Variants in TMEM255A observed in about 807,000 individuals in gnomAD.
The protein encoded by TMEM255A is family with sequence similarity 70, member A.
In TMEM255A, 14 loss-of-function variants were observed where a neutral mutation model predicts 23.5. The ratio of observed to expected loss-of-function variants is 0.60; its 90% CI spans 0.39 to 0.93. TMEM255A has a LOEUF of 0.93. Ranked by LOEUF, TMEM255A falls within the 40% of genes least tolerant of loss-of-function variation. The pLI, the probability that TMEM255A is intolerant of heterozygous loss-of-function variation, is 0.00. For missense variants in TMEM255A, 233 were observed against 261.7 expected, an observed-to-expected ratio of 0.89 and a Z score of 0.76; for synonymous variants, 104 against 100.3, an observed-to-expected ratio of 1.04 and a Z score of -0.22.
At chrX:120,265,276 A>G (rs1302356419) in intron 8 of TMEM255A, among the ~76,000 whole-genome samples, 2 of 112,357 alleles carry the variant, frequency 1.8e-5, no homozygotes, top group African/African-American at 6.5e-5. Flanking sequence ...AAATGAAACC[A>G]TTTAAGTTCT....
chrX:120,279,140 T>TA (rs1294661590), intron 6 of TMEM255A, among the ~76,000 whole-genome samples: 1 of 111,839 alleles, frequency 8.9e-6, no homozygotes, highest in African/African-American at 3.3e-5. Flanking sequence ...TGGAATTTTT[T>TA]AAAAAAATAT....
intron 7 of TMEM255A, among the ~76,000 whole-genome samples, chrX:120,275,390 G>A (rs782758235): frequency 8.9e-6 from 1 of 112,194 alleles, no homozygotes; most frequent in African/African-American, 3.2e-5. Flanking sequence ...GCCCAGTACT[G>A]CTGGAGACTT....
downstream of TMEM255A, chrX:120,254,105 A>G (rs2057619315): frequency 1.7e-6 from 2 of 1,209,285 alleles, no homozygotes; most frequent in Non-Finnish European, 2.2e-6. Context: ...CAGATGTTGC[A>G]CCTAGTGCTA....
At chrX:120,271,739 T>C (rs1569333450) in intron 7 of TMEM255A, among the ~76,000 whole-genome samples, 1 of 110,037 alleles carries the variant, frequency 9.1e-6, no homozygotes. Flanking sequence ...TTCAAAGCCC[T>C]AAATGTAACA....
intron 6 of TMEM255A, among the ~76,000 whole-genome samples, chrX:120,280,320 C>T (rs1052746991): frequency 1.8e-5 from 2 of 110,514 alleles, no homozygotes; most frequent in Middle Eastern, 4.7e-3. Context: ...AGGCACAAAC[C>T]GCAATATGGG....
At position 120,275,784 on chromosome X, in the gene TMEM255A, A is replaced by ATTTTTTTTTTTTTT. The variant is rs11342181; in HGVS notation, c.675+1087_675+1100dup. On this transcript the variant is annotated intron_variant, in intron 7 of 8. Coordinates refer to ENST00000371369, the MANE Select transcript of TMEM255A (RefSeq NM_001104544.3). ...GAATCTTTAGAGAAGGAGCCCAAGC[A>ATTTTTTTTTTTTTT]TTTTTTTTTTTTTTTTTTTTTTTTT... is the stretch of plus-strand genomic sequence containing the variant. Among the ~76,000 whole-genome samples the ATTTTTTTTTTTTTT allele has an allele frequency of 8.3e-3, 502 of 60,236 alleles. 29 individuals carry two copies. The highest frequency in any genetic ancestry group is 0.031 in the East Asian group (39 of 1,253). 52.3% of individuals were successfully genotyped at this position (60,236 alleles called of 115,157 possible).
intron 1 of TMEM255A, among the ~76,000 whole-genome samples, 193 bp downstream of exon 1, chrX:120,311,059 G>T (rs1300638883): frequency 4.5e-5 from 5 of 110,920 alleles, no homozygotes; most frequent in African/African-American, 6.6e-5. Context: ...ATCTCCGCAC[G>T]TCGCTCCCGC....
At chrX:120,255,471 A>G (rs782803950), downstream of TMEM255A, 17 of 1,071,991 alleles carry the variant, frequency 1.6e-5, no homozygotes, top group South Asian at 3.7e-4. Context: ...GTTTTGGATG[A>G]TGGGGCAGGG....
chrX:120,297,766 G>A (rs147467865), intron 2 of TMEM255A, among the ~76,000 whole-genome samples: 2 of 111,176 alleles, frequency 1.8e-5, no homozygotes, highest in Admixed American at 9.6e-5. Context: ...CTGCATTTGT[G>A]ACCAGTGCTA....
At chrX:120,264,927 G>C (rs189453968) in intron 8 of TMEM255A, among the ~76,000 whole-genome samples, 3 of 106,383 alleles carry the variant, frequency 2.8e-5, no homozygotes, top group African/African-American at 1.1e-4. Flanking sequence ...GCCCAGGCTG[G>C]AGTGCAATGG....
At chrX:120,271,771 G>C (rs1556018839) in intron 7 of TMEM255A, among the ~76,000 whole-genome samples, 1 of 109,801 alleles carries the variant, frequency 9.1e-6, no homozygotes, top group Admixed American at 9.8e-5. Context: ...AAAATTCTTA[G>C]GCAAAAATGT....
chrX:120,280,695 T>G (rs2057831345), intron 6 of TMEM255A, among the ~76,000 whole-genome samples: 2 of 111,453 alleles, frequency 1.8e-5, no homozygotes, highest in Admixed American at 1.9e-4. Flanking sequence ...ATCAAAACCC[T>G]TCTGTGGCTC....
chrX:120,274,434 A>G (rs1170726465), intron 7 of TMEM255A, among the ~76,000 whole-genome samples: 1 of 111,933 alleles, frequency 8.9e-6, no homozygotes, highest in Non-Finnish European at 1.9e-5. Flanking sequence ...ATTTTTTTTA[A>G]AGGGGGACAG....
At chrX:120,304,835 A>G (rs1017753141) in intron 1 of TMEM255A, among the ~76,000 whole-genome samples, 2 of 111,968 alleles carry the variant, frequency 1.8e-5, no homozygotes, top group Admixed American at 1.9e-4. Flanking sequence ...ATTAGAAGGC[A>G]TATGATAAAT....
intron 8 of TMEM255A, among the ~76,000 whole-genome samples, chrX:120,267,781 C>A (rs187864568): frequency 9.0e-6 from 1 of 111,678 alleles, no homozygotes; most frequent in East Asian, 2.8e-4. Flanking sequence ...GGGACTTCTT[C>A]CTCATTACAG....
At chrX:120,257,188 A>T (rs2057644225), downstream of TMEM255A, 1 of 123,025 alleles carries the variant, frequency 8.1e-6, no homozygotes, top group Admixed American at 9.5e-5. Context: ...CCCCTGGGAA[A>T]TTTGAAATTA....
At chrX:120,292,342 G>T (rs187154896) in intron 3 of TMEM255A, among the ~76,000 whole-genome samples, 1,597 of 111,567 alleles carry the variant, frequency 0.014, 30 homozygotes, top group East Asian at 0.13. Flanking sequence ...TGAGCTGACC[G>T]CCTGCCTGTG....
At chrX:120,261,908 T>C (rs190842272) in intron 8 of TMEM255A, among the ~76,000 whole-genome samples, 6 of 111,944 alleles carry the variant, frequency 5.4e-5, no homozygotes, top group African/African-American at 1.9e-4. Context: ...CTCAGAACAG[T>C]ACTTGCCAAG....
chrX:120,284,190 G>A (rs1345113290), intron 6 of TMEM255A, among the ~76,000 whole-genome samples: 1 of 111,949 alleles, frequency 8.9e-6, no homozygotes, highest in Non-Finnish European at 1.9e-5. Context: ...TATTGCAATC[G>A]ATTGTTCACA....
Sources: gnomAD v4.1 joint callset for allele counts (sites outside exome capture counted in the v4.1 genomes callset) on GRCh38, gnomAD v4.1.1 for gene constraint, MANE v1.5 for transcripts, NCBI Gene and HGNC (gene_info 2026-07-23, HGNC 2026-07-21) for gene names.